Variants in MYH15 observed in about 807,000 individuals in gnomAD.
The protein encoded by MYH15 is myosin heavy chain 15.
A neutral mutation model predicts 240.5 loss-of-function variants in MYH15; 227 were observed. That is an observed-to-expected ratio of 0.94 (90% CI 0.85 to 1.05). MYH15 has a LOEUF of 1.05. Ranked by LOEUF, MYH15 falls within the 50% of genes least tolerant of loss-of-function variation. MYH15 has a pLI of 0.00. For synonymous variants in MYH15, 785 were observed against 796.7 expected, an observed-to-expected ratio of 0.99 and a Z score of 0.25; for missense variants, 2,217 against 2,247.5, an observed-to-expected ratio of 0.99 and a Z score of 0.27.
At chr3:108,480,890 G>A (rs1450508519) in intron 11 of MYH15, among the ~76,000 whole-genome samples, 2 of 152,100 alleles carry the variant, frequency 1.3e-5, no homozygotes, top group African/African-American at 2.4e-5. Flanking sequence ...GCCCTTCCCC[G>A]TTCCTTCTTC....
At chr3:108,459,983 G>A (rs763934162) in intron 17 of MYH15, among the ~76,000 whole-genome samples, 4 of 152,178 alleles carry the variant, frequency 2.6e-5, no homozygotes, top group Non-Finnish European at 5.9e-5. Context: ...AGGCAAGGGA[G>A]AGGCTAAAGT....
At chr3:108,384,589 T>A in intron 39 of MYH15, 98 bp downstream of exon 39, 2 of 1,133,032 alleles carry the variant, frequency 1.8e-6, no homozygotes, top group South Asian at 1.4e-5. Flanking sequence ...GAGCAGGTCC[T>A]CTCTGACAAG....
At chr3:108,405,881 T>C (rs188305515) in intron 32 of MYH15, among the ~76,000 whole-genome samples, 1 of 152,206 alleles carries the variant, frequency 6.6e-6, no homozygotes, top group African/African-American at 2.4e-5. Context: ...CACGAGGGGA[T>C]AGAGGAAAAG....
At chr3:108,535,875 C>T in the MYH15 span, among the ~76,000 whole-genome samples, 1 of 152,184 alleles carries the variant, frequency 6.6e-6, no homozygotes, top group Non-Finnish European at 1.5e-5. Context: ...CAAGATGTCC[C>T]CTAACTTGCA....
At chr3:108,436,911 A>G (rs910734694) in intron 25 of MYH15, among the ~76,000 whole-genome samples, 3 of 152,218 alleles carry the variant, frequency 2.0e-5, no homozygotes, top group African/African-American at 7.2e-5. Context: ...ACAGAGGAAG[A>G]TGACAAAAGG....
intron 6 of MYH15, among the ~76,000 whole-genome samples, chr3:108,496,859 G>C (rs1220484501): frequency 6.6e-6 from 1 of 150,418 alleles, no homozygotes; most frequent in Non-Finnish European, 1.5e-5. Context: ...GTTACATCTA[G>C]TGAATAAAAG....
intron 27 of MYH15, among the ~76,000 whole-genome samples, chr3:108,424,928 G>A (rs2082714046): frequency 6.6e-6 from 1 of 152,184 alleles, no homozygotes. Flanking sequence ...CTGAATCTAT[G>A]AGCTCCAAGA....
intron 2 of MYH15, among the ~76,000 whole-genome samples, chr3:108,502,965 T>A (rs2083449647): frequency 1.3e-5 from 2 of 152,182 alleles, no homozygotes; most frequent in Non-Finnish European, 2.9e-5. Context: ...TTTCTATTTT[T>A]TTCATTTCCA....
chr3:108,415,544 C>T (rs1350925672), intron 29 of MYH15, among the ~76,000 whole-genome samples: 1 of 152,136 alleles, frequency 6.6e-6, no homozygotes, highest in Non-Finnish European at 1.5e-5. Context: ...AAAATCCCTG[C>T]CCTAAAGAGC....
chr3:108,505,661 A>T, intron 2 of MYH15, 62 bp downstream of exon 2: 1 of 901,124 alleles, frequency 1.1e-6, no homozygotes, highest in South Asian at 2.2e-5. Context: ...TATAGAAATA[A>T]TATATTTAGT....
chr3:108,540,506 A>G, the MYH15 span, among the ~76,000 whole-genome samples: 6 of 152,362 alleles, frequency 3.9e-5, no homozygotes, highest in Non-Finnish European at 5.9e-5. Flanking sequence ...AAACTAGCCT[A>G]TAACGACTGA....
chr3:108,477,238 G>C (rs2083229136), intron 11 of MYH15, among the ~76,000 whole-genome samples: 1 of 152,156 alleles, frequency 6.6e-6, no homozygotes, highest in African/African-American at 2.4e-5. Context: ...ACATATTGCA[G>C]GATTCCATTT....
At chr3:108,506,585 A>C (rs2083477647) in intron 1 of MYH15, among the ~76,000 whole-genome samples, 1 of 152,132 alleles carries the variant, frequency 6.6e-6, no homozygotes, top group Non-Finnish European at 1.5e-5. Flanking sequence ...ATGATGAATA[A>C]AAAATATGAT....
intron 14 of MYH15, among the ~76,000 whole-genome samples, chr3:108,468,449 A>C (rs1008542750): frequency 1.3e-5 from 2 of 152,206 alleles, no homozygotes; most frequent in African/African-American, 4.8e-5. Flanking sequence ...TTGATCATTA[A>C]TATTTGCTAC....
At position 108,505,804 on chromosome 3, in the gene MYH15, A is replaced by G. The variant is rs770446056; in HGVS notation, c.114T>C (p.Asp38=). Residue 38 remains aspartate (D), a synonymous_variant, in exon 2 of 41, where the codon GAT becomes GAC. Coordinates refer to ENST00000693548, the MANE Select transcript of MYH15 (RefSeq NM_014981.3). ...LDGKKKCWIP[D]GENAYIEAEV... The stretch of plus-strand genomic sequence containing the variant: ...CAGCCTCGATATAAGCATTCTCACC[A>G]TCAGGAATCCAGCATTTCTTCTTCC... The G allele has an allele frequency of 1.2e-6, 2 of 1,611,804 alleles. No homozygotes were observed. The highest frequency in any genetic ancestry group is 4.5e-5 in the East Asian group (2 of 44,744).
At chr3:108,531,240 T>C (rs113167127), upstream of MYH15, among the ~76,000 whole-genome samples, 696 of 152,254 alleles carry the variant, frequency 4.6e-3, 2 homozygotes, top group African/African-American at 0.015. Flanking sequence ...ATTTTTAAAA[T>C]TAATGTGTAT....
At chr3:108,499,415 T>C (rs1258165362) in intron 5 of MYH15, 40 bp downstream of exon 5, 1 of 1,605,284 alleles carries the variant, frequency 6.2e-7, no homozygotes, top group African/African-American at 1.3e-5. Context: ...TCACTGAAAC[T>C]TACTTCAGGC....
chr3:108,526,828 G>C (rs1418055391), intron 1 of MYH15, among the ~76,000 whole-genome samples: 1 of 152,138 alleles, frequency 6.6e-6, no homozygotes, highest in East Asian at 1.9e-4. Flanking sequence ...GCATGTGGCT[G>C]AGGAAAAGGG....
intron 35 of MYH15, among the ~76,000 whole-genome samples, chr3:108,395,631 C>CTTT (rs2082454306): frequency 1.7e-5 from 2 of 117,646 alleles, no homozygotes; most frequent in Non-Finnish European, 1.8e-5. Flanking sequence ...TTTTTTTTTT[C>CTTT]TTTCTTTTTT....
Sources: allele counts gnomAD v4.1 joint callset (sites outside exome capture counted in the v4.1 genomes callset), GRCh38; gene constraint gnomAD v4.1.1; transcripts MANE v1.5; gene names NCBI Gene and HGNC (gene_info 2026-07-23, HGNC 2026-07-21).